Variants in OSBP2 observed in about 807,000 individuals in gnomAD.
OSBP2 encodes the protein oxysterol binding protein 2.
A neutral mutation model predicts 96.0 loss-of-function variants in OSBP2; 66 were observed. The observed-to-expected ratio is 0.69, with a 90% CI of 0.56 to 0.84. The LOEUF (loss-of-function observed/expected upper bound fraction) is 0.84. Among genes scored for constraint, OSBP2 ranks in the 40% least tolerant of loss-of-function variants. The pLI is 0.00. For missense variants in OSBP2, 1,038 were observed against 1,222.7 expected (o/e 0.85, Z 2.25); for synonymous variants, 525 against 520.9 (o/e 1.01, Z -0.11).
chr22:30,796,940 T>G (rs1435074569), intron 2 of OSBP2, among the ~76,000 whole-genome samples: 1 of 152,242 alleles, frequency 6.6e-6, no homozygotes, highest in East Asian at 1.9e-4. Context: ...AATCCACCTA[T>G]CCATCTCCTG....
intron 2 of OSBP2, among the ~76,000 whole-genome samples, chr22:30,750,338 G>A (rs1454157003): frequency 6.6e-6 from 1 of 152,164 alleles, no homozygotes; most frequent in Non-Finnish European, 1.5e-5. Context: ...CTGCTTAGTT[G>A]CTGGGAGGAT....
chr22:30,749,572 G>A (rs1328219367), intron 2 of OSBP2, among the ~76,000 whole-genome samples: 2 of 152,040 alleles, frequency 1.3e-5, no homozygotes, highest in South Asian at 2.1e-4. Flanking sequence ...GAAGAGTGAG[G>A]GTGTGCAAAT....
At chr22:30,860,997 T>G (rs1163994656) in intron 2 of OSBP2, among the ~76,000 whole-genome samples, 2 of 152,216 alleles carry the variant, frequency 1.3e-5, no homozygotes, top group Non-Finnish European at 2.9e-5. Flanking sequence ...GGAGGCGCCC[T>G]AGCTTGTCTC....
In OSBP2 at chr22:30,906,014, G is replaced by A. The variant is rs1472671054; in HGVS notation, c.2553G>A (p.Ser851=). The change falls in exon 13 of 14, where the codon TCG becomes TCA. Residue 851 remains serine, a synonymous_variant. Coordinates refer to ENST00000332585, the MANE Select transcript of OSBP2 (RefSeq NM_030758.4). ...GGCTGGAGGAGAAGCAGCGCCTGTC[G>A]CGGCGCCGGCGGCTGGAGGCCTGCG... The part of the protein sequence containing the change: ...KQRLEEKQRL[S]RRRRLEACGP... 1.3e-6 allele frequency: 2 copies of A among 1,574,364 alleles called. No homozygotes were observed. The highest frequency in any genetic ancestry group is 1.1e-5 in the South Asian group (1 of 87,240).
chr22:30,697,480 T>C (rs929156289), intron 1 of OSBP2, among the ~76,000 whole-genome samples: 1 of 152,152 alleles, frequency 6.6e-6, no homozygotes, highest in African/African-American at 2.4e-5. Context: ...GGTTTCACCA[T>C]GTTGGCCAGG....
intron 3 of OSBP2, among the ~76,000 whole-genome samples, chr22:30,879,854 C>G (rs532166162): frequency 6.6e-6 from 1 of 152,150 alleles, no homozygotes; most frequent in Non-Finnish European, 1.5e-5. Context: ...GAGTTTGAGA[C>G]CAGCCTGGCC....
chr22:30,825,479 C>T (rs1172978457), intron 2 of OSBP2, among the ~76,000 whole-genome samples: 1 of 152,210 alleles, frequency 6.6e-6, no homozygotes, highest in Non-Finnish European at 1.5e-5. Flanking sequence ...CTGTCAATCA[C>T]CTATGTATCT....
At position 30,854,279 on chromosome 22, in the gene OSBP2, C is replaced by G. The variant is rs1367281415; in HGVS notation, c.854-16150C>G. Among the ~76,000 whole-genome samples, 3 of 148,320 alleles carry G rather than the reference C, an allele frequency of 2.0e-5. No homozygotes were observed. In the East Asian group the frequency reaches 5.9e-4, roughly 29 times the overall value. ...AACCCTACAATACACTTTGTTTTCT[C>G]TTTGTTTTCTTGCTTTATACAGTTA... On this transcript the variant is annotated intron_variant, in intron 2 of 13. Coordinates refer to ENST00000332585, the MANE Select transcript of OSBP2 (RefSeq NM_030758.4).
chr22:30,859,347 C>T (rs1411534623), intron 2 of OSBP2, among the ~76,000 whole-genome samples: 3 of 152,246 alleles, frequency 2.0e-5, no homozygotes, highest in Non-Finnish European at 4.4e-5. Flanking sequence ...GGCCTTGAGA[C>T]AGGTGTTTGC....
chr22:30,814,134 C>T (rs542981953), intron 2 of OSBP2, among the ~76,000 whole-genome samples: 1 of 152,242 alleles, frequency 6.6e-6, no homozygotes, highest in Non-Finnish European at 1.5e-5. Flanking sequence ...AGATACTATC[C>T]TCACAGCTCT....
At chr22:30,850,377 A>G (rs924387302) in intron 2 of OSBP2, among the ~76,000 whole-genome samples, 2 of 151,770 alleles carry the variant, frequency 1.3e-5, no homozygotes, top group African/African-American at 2.4e-5. Flanking sequence ...ATGTTCCATT[A>G]TAAGTCCATA....
intron 12 of OSBP2, chr22:30,902,840 AC>A (rs2040246284): frequency 1.5e-5 from 5 of 322,766 alleles, no homozygotes; most frequent in South Asian, 1.2e-4. Flanking sequence ...AGCCTGGTGA[AC>A]CCCTGGGCCA....
chr22:30,792,119 C>T (rs1448690102), intron 2 of OSBP2, among the ~76,000 whole-genome samples: 1 of 152,084 alleles, frequency 6.6e-6, no homozygotes, highest in Admixed American at 6.6e-5. Context: ...CAAGATCAGC[C>T]TAGCCAACAT....
intron 1 of OSBP2, among the ~76,000 whole-genome samples, chr22:30,700,012 G>A (rs1316079140): frequency 6.6e-6 from 1 of 150,692 alleles, no homozygotes; most frequent in Non-Finnish European, 1.5e-5. Context: ...ACCCAGGCTG[G>A]AGTGCAGTGG....
chr22:30,788,159 G>A (rs1169654194), intron 2 of OSBP2, among the ~76,000 whole-genome samples: 3 of 152,116 alleles, frequency 2.0e-5, no homozygotes, highest in East Asian at 1.9e-4. Flanking sequence ...GCCATACCTG[G>A]TCCATATGGC....
At chr22:30,876,963 G>A (rs1333011856) in intron 3 of OSBP2, among the ~76,000 whole-genome samples, 1 of 152,146 alleles carries the variant, frequency 6.6e-6, no homozygotes. Context: ...CCCTCACCCT[G>A]CATCCCTGTC....
In OSBP2 at chr22:30,902,216, GC is replaced by G. The variant is rs1250361405; in HGVS notation, c.2376-3617del. The G allele has an allele frequency of 3.8e-5, 52 of 1,373,416 alleles. No individual in the cohort carries two copies. The East Asian group carries it at 1.2e-3, about 31-fold the overall frequency. The allele number at this position is 1,373,416 out of a possible 1,614,324, so 85.1% of individuals were successfully genotyped here. On this transcript the variant is annotated intron_variant, in intron 12 of 13. Transcript: ENST00000332585. ...GTAGCCAGAAGGAGTCGCTCACAGAGCCCCACACACAGCATATGTAGGGAAT... is the reference window on the plus strand; with the variant it reads ...GTAGCCAGAAGGAGTCGCTCACAGAGCCCACACACAGCATATGTAGGGAAT...
chr22:30,862,770 C>G lies in OSBP2; in HGVS notation c.854-7659C>G, dbSNP rs373968489. ...GGGTGGATCACAAGGTCAGGCGTTC[C>G]TGACCAGCCTGGCCAACATAGTGAA... On this transcript the variant is annotated intron_variant, in intron 2 of 13. Coordinates refer to ENST00000332585, the MANE Select transcript of OSBP2 (RefSeq NM_030758.4). Among the ~76,000 whole-genome samples the G allele has an allele frequency of 9.2e-4, 140 of 151,618 alleles. 1 individual carries two copies. Among genetic ancestry groups the G allele is most frequent in the South Asian group, 7.1e-3 (34 of 4,788 alleles).
At chr22:30,818,821 G>A in intron 2 of OSBP2, among the ~76,000 whole-genome samples, 1 of 152,208 alleles carries the variant, frequency 6.6e-6, no homozygotes, top group East Asian at 1.9e-4. Flanking sequence ...AAGGAAAGTG[G>A]TAACCATAGA....
Sources: allele counts gnomAD v4.1 joint callset (sites outside exome capture counted in the v4.1 genomes callset), GRCh38; gene constraint gnomAD v4.1.1; transcripts MANE v1.5; gene names NCBI Gene and HGNC (gene_info 2026-07-23, HGNC 2026-07-21).